Variants in SAXO5 observed in about 807,000 individuals in gnomAD.
SAXO5 encodes the protein stabilizer of axonemal microtubules 5, also known as testis expressed 45.
the SAXO5 span, chr19:7,504,000 C>T: frequency 3.0e-6 from 2 of 673,892 alleles, no homozygotes; most frequent in Admixed American, 2.5e-5. Flanking sequence ...TCAGTCTACA[C>T]TGTTCAGAAT....
chr19:7,505,920 A>G, the SAXO5 span: 5 of 1,501,910 alleles, frequency 3.3e-6, no homozygotes, highest in Admixed American at 8.5e-5. Flanking sequence ...GGGCCCGGGG[A>G]CCTCTCGGAC....
chr19:7,501,179 G>C, the SAXO5 span: 149 of 1,519,514 alleles, frequency 9.8e-5, 2 homozygotes, highest in South Asian at 1.7e-3. Flanking sequence ...ACGAGGACGC[G>C]CACGCCGGGA....
the SAXO5 span, chr19:7,506,791 C>T: frequency 4.2e-6 from 2 of 474,126 alleles, no homozygotes; most frequent in East Asian, 3.9e-5. Context: ...CCCCTGGCTC[C>T]TTCCTCCTCC....
the SAXO5 span, chr19:7,500,930 G>A: frequency 1.3e-6 from 2 of 1,583,196 alleles, no homozygotes. Context: ...GGCTGCACGA[G>A]GGCACCATGC....
the SAXO5 span, chr19:7,500,866 T>A: frequency 7.7e-6 from 12 of 1,550,820 alleles, no homozygotes; most frequent in Non-Finnish European, 9.5e-6. Flanking sequence ...CCGTGCCCGA[T>A]GTCCCGGCTG....
chr19:7,507,561 C>A, the SAXO5 span, among the ~76,000 whole-genome samples: 1 of 150,722 alleles, frequency 6.6e-6, no homozygotes, highest in South Asian at 2.1e-4. Flanking sequence ...GGCTGGGCAA[C>A]AGAGCAAGAC....
chr19:7,501,265 C>T, the SAXO5 span: 9 of 1,569,740 alleles, frequency 5.7e-6, no homozygotes, highest in Non-Finnish European at 7.7e-6. Context: ...ATCCGCGGCG[C>T]GCGCCTCATC....
chr19:7,504,987 T>TC, the SAXO5 span, among the ~76,000 whole-genome samples: 2 of 133,672 alleles, frequency 1.5e-5, no homozygotes, highest in African/African-American at 6.1e-5. Flanking sequence ...TTTTTTTTTT[T>TC]CTTTTTTTTT....
At chr19:7,500,325 G>A in the SAXO5 span, among the ~76,000 whole-genome samples, 1 of 151,850 alleles carries the variant, frequency 6.6e-6, no homozygotes, top group African/African-American at 2.4e-5. Context: ...GTTTTGAGAC[G>A]GAGTCTCGCT....
the SAXO5 span, chr19:7,505,745 T>C: frequency 9.5e-7 from 1 of 1,054,422 alleles, no homozygotes; most frequent in Non-Finnish European, 1.4e-6. Flanking sequence ...CTCCTGGATG[T>C]ACTTGAGTGA....
the SAXO5 span, among the ~76,000 whole-genome samples, chr19:7,507,964 C>T: frequency 2.0e-5 from 3 of 152,164 alleles, no homozygotes; most frequent in Non-Finnish European, 4.4e-5. Context: ...CCCGCCCCTT[C>T]GTGGCCAAGC....
At chr19:7,500,136 G>A in the SAXO5 span, among the ~76,000 whole-genome samples, 5 of 152,004 alleles carry the variant, frequency 3.3e-5, no homozygotes, top group African/African-American at 1.2e-4. Context: ...ATTATTGTCT[G>A]TCATCTCCCG....
chr19:7,506,330 C>T, the SAXO5 span: 6 of 690,040 alleles, frequency 8.7e-6, no homozygotes, highest in Non-Finnish European at 1.3e-5. Context: ...TGCTCTGGCC[C>T]CGCCCCTAAC....
the SAXO5 span, chr19:7,500,969 C>T: frequency 3.2e-6 from 5 of 1,556,318 alleles, no homozygotes; most frequent in Non-Finnish European, 4.3e-6. Flanking sequence ...ACTTTGCCTA[C>T]CCGGCTGCCA....
chr19:7,502,252 C>T, the SAXO5 span, among the ~76,000 whole-genome samples: 2 of 152,146 alleles, frequency 1.3e-5, no homozygotes, highest in Admixed American at 1.3e-4. Flanking sequence ...ACTGCAGACA[C>T]GCATGTCACC....
chr19:7,508,216 G>A, the SAXO5 span: 5 of 1,613,814 alleles, frequency 3.1e-6, no homozygotes, highest in Non-Finnish European at 2.5e-6. Flanking sequence ...TGCAAGTACA[G>A]CCACATGGAG....
the SAXO5 span, chr19:7,508,130 G>T: frequency 7.8e-7 from 1 of 1,281,418 alleles, no homozygotes; most frequent in Non-Finnish European, 1.1e-6. Context: ...CATCAGGCCT[G>T]GAGATCCTGG....
At chr19:7,507,260 G>A in the SAXO5 span, 76 of 856,368 alleles carry the variant, frequency 8.9e-5, no homozygotes, top group Middle Eastern at 2.9e-3. Context: ...AGGCTCGGGG[G>A]CATCTTAATA....
At chr19:7,506,464 T>G in the SAXO5 span, 2 of 435,712 alleles carry the variant, frequency 4.6e-6, no homozygotes, top group Non-Finnish European at 4.3e-6. Context: ...CCTTCATAAC[T>G]CCATCCTTCT....
Sources: gnomAD v4.1 joint callset for allele counts (sites outside exome capture counted in the v4.1 genomes callset) on GRCh38, gnomAD v4.1.1 for gene constraint, MANE v1.5 for transcripts, NCBI Gene and HGNC (gene_info 2026-07-23, HGNC 2026-07-21) for gene names.